DBT: variants seen among roughly 807,000 people sequenced by gnomAD.
DBT encodes the protein dihydrolipoamide branched chain transacylase E2.
DBT carries 40 observed loss-of-function variants against 51.3 expected under a neutral mutation model. The observed-to-expected ratio is 0.78, with a 90% CI of 0.61 to 1.02. The LOEUF (loss-of-function observed/expected upper bound fraction) is 1.02, where lower values mean the gene tolerates loss of function less well. DBT is among the 50% of genes least tolerant of loss of function. The pLI, the probability that DBT is intolerant of heterozygous loss-of-function variation, is 0.00. For synonymous variants in DBT, 181 were observed against 190.4 expected, an observed-to-expected ratio of 0.95 and a Z score of 0.41; for missense variants, 510 against 580.2, an observed-to-expected ratio of 0.88 and a Z score of 1.24.
At chr1:100,229,744 CCCTAGTATCAAAACTGATT>C (rs1457868309) in intron 4 of DBT, among the ~76,000 whole-genome samples, 1 of 152,092 alleles carries the variant, frequency 6.6e-6, no homozygotes, top group Non-Finnish European at 1.5e-5. Context: ...CTCTTGCAGC[CCCTAGTATCAAAACTGATT>C]CCTAGATGAC....
intron 4 of DBT, among the ~76,000 whole-genome samples, chr1:100,222,588 A>T (rs892785482): frequency 8.5e-5 from 13 of 152,214 alleles, no homozygotes; most frequent in African/African-American, 1.4e-4. Flanking sequence ...TCAATGGTCC[A>T]TGTGTCAAAA....
intron 8 of DBT, among the ~76,000 whole-genome samples, chr1:100,209,405 C>T (rs768892583): frequency 6.1e-4 from 93 of 151,904 alleles, no homozygotes; most frequent in Non-Finnish European, 1.1e-3. Flanking sequence ...CGGCCAACAT[C>T]ATTTTCTTGC....
intron 1 of DBT, among the ~76,000 whole-genome samples, chr1:100,245,356 G>A (rs1396538133): frequency 6.6e-6 from 1 of 152,074 alleles, no homozygotes; most frequent in Non-Finnish European, 1.5e-5. Context: ...AGCTAGACTA[G>A]TAAATTAAGC....
In DBT at chr1:100,206,310, TAA is replaced by T. The variant is rs398123658; in HGVS notation, c.1210-11_1210-10del. ...GCAAAGGTACCACCAATCTATTTTT[TAA>T]AAAAAAAAAAAGGAGAGTATTAAAA... On this transcript the variant is annotated splice_polypyrimidine_tract_variant and intron_variant, in intron 9 of 10. Coordinates refer to ENST00000370132, the MANE Select transcript of DBT (RefSeq NM_001918.5). The T allele has an allele frequency of 1.3e-4, 188 of 1,428,614 alleles. No homozygotes were observed. The highest frequency in any genetic ancestry group is 4.0e-4 in the African/African-American group (27 of 67,414). The allele number at this position is 1,428,614 out of a possible 1,614,324, so 88.5% of individuals were successfully genotyped here.
chr1:100,240,119 T>A (rs1355532715), intron 2 of DBT, among the ~76,000 whole-genome samples: 1 of 152,172 alleles, frequency 6.6e-6, no homozygotes, highest in Non-Finnish European at 1.5e-5. Context: ...GGGGAAAAAG[T>A]AAGTAAATGG....
intron 1 of DBT, chr1:100,249,433 A>G: frequency 2.2e-6 from 1 of 444,498 alleles, no homozygotes; most frequent in South Asian, 2.1e-5. Flanking sequence ...TACGCAATAA[A>G]TGCTAAACGA....
rs987027346 is a variant in DBT, at chr1:100,193,693, C to T, written c.*2562G>A. 5.9e-5 allele frequency: 9 copies of T among 152,138 alleles called. No individual in the cohort carries two copies. Among genetic ancestry groups the T allele is most frequent in the Non-Finnish European group, 1.3e-4 (9 of 68,036 alleles). 9.4% of individuals were successfully genotyped at this position (152,138 alleles called of 1,614,324 possible). On this transcript the variant is annotated 3_prime_UTR_variant, in exon 11 of 11. Coordinates refer to ENST00000370132, the MANE Select transcript of DBT (RefSeq NM_001918.5). ...AATCTTGGCTCACTGCAACCTCTGCCGCTGGGTTCAAGCAGTTCTCCTGCC... is the reference window on the plus strand; with the variant it reads ...AATCTTGGCTCACTGCAACCTCTGCTGCTGGGTTCAAGCAGTTCTCCTGCC...
In DBT at chr1:100,188,773, T is replaced by C. The variant is rs1660683896; in HGVS notation, c.*7482A>G. 6.6e-6 allele frequency: 1 copy of C among 152,258 alleles called. No individual in the cohort carries two copies. The highest frequency in any genetic ancestry group is 1.5e-5 in the Non-Finnish European group (1 of 68,078). 9.4% of individuals were successfully genotyped at this position (152,258 alleles called of 1,614,324 possible). On this transcript the variant is annotated 3_prime_UTR_variant, in exon 11 of 11. Coordinates refer to ENST00000370132, the MANE Select transcript of DBT (RefSeq NM_001918.5). ...AAGCCTGATATAGATGACCTCTCTA[T>C]AACAGAACTGCAATTATTCTTGTCA...
intron 4 of DBT, among the ~76,000 whole-genome samples, chr1:100,225,413 G>GA (rs1278701970): frequency 6.6e-6 from 1 of 151,510 alleles, no homozygotes. Context: ...TAATTTTTGT[G>GA]AAAAAAAATT....
At chr1:100,241,124 A>C (rs1207444076) in intron 1 of DBT, among the ~76,000 whole-genome samples, 1 of 152,206 alleles carries the variant, frequency 6.6e-6, no homozygotes, top group Non-Finnish European at 1.5e-5. Flanking sequence ...TGCTTAAGTC[A>C]TTGGACTTCC....
intron 10 of DBT, chr1:100,196,806 G>T: frequency 4.8e-6 from 1 of 206,618 alleles, no homozygotes; most frequent in South Asian, 8.3e-5. Flanking sequence ...TGAAGGCAGT[G>T]AGGAAACAAG....
chr1:100,218,872 T>A, intron 4 of DBT, 125 bp from the exon 5 acceptor site: 1 of 689,284 alleles, frequency 1.5e-6, no homozygotes. Flanking sequence ...AGTCTAAATG[T>A]ATAAAAGTTG....
intron 8 of DBT, 192 bp downstream of exon 8, chr1:100,210,502 A>C: frequency 1.4e-6 from 1 of 724,542 alleles, no homozygotes; most frequent in Non-Finnish European, 2.1e-6. Flanking sequence ...TAGTTTTAAG[A>C]ATCTCTAAAC....
intron 10 of DBT, among the ~76,000 whole-genome samples, chr1:100,201,536 T>C (rs1053846575): frequency 6.6e-6 from 1 of 151,946 alleles, no homozygotes; most frequent in Non-Finnish European, 1.5e-5. Flanking sequence ...AACATTCAAA[T>C]TCAGGAAATA....
intron 8 of DBT, among the ~76,000 whole-genome samples, chr1:100,208,806 GC>G (rs1478999874): frequency 6.6e-6 from 1 of 150,478 alleles, no homozygotes; most frequent in Non-Finnish European, 1.5e-5. Context: ...TACTCAGAAG[GC>G]TGCGGTGGGA....
chr1:100,206,680 C>T (rs1006155224), intron 8 of DBT, 44 bp from the exon 9 acceptor site: 7 of 1,131,404 alleles, frequency 6.2e-6, no homozygotes, highest in Non-Finnish European at 9.4e-6. Flanking sequence ...AATGAATAAG[C>T]TAACAGCAAA....
chr1:100,247,440 T>C (rs1344705355), intron 1 of DBT, among the ~76,000 whole-genome samples: 1 of 152,224 alleles, frequency 6.6e-6, no homozygotes, highest in Non-Finnish European at 1.5e-5. Flanking sequence ...GGCTTACGCC[T>C]GTAATCCCAG....
chr1:100,192,846 C>T lies in DBT; in HGVS notation c.*3409G>A, dbSNP rs1660873409. ...CCACTCGCAGCAATAATTTTGGCTT[C>T]TCCCCCATGTACATATACCTTCTAA... On this transcript the variant is annotated 3_prime_UTR_variant, in exon 11 of 11. Coordinates refer to ENST00000370132, the MANE Select transcript of DBT (RefSeq NM_001918.5). The T allele has an allele frequency of 6.6e-6, 1 of 152,206 alleles. No homozygotes were observed. The highest frequency in any genetic ancestry group is 6.5e-5 in the Admixed American group (1 of 15,282). The allele number at this position is 152,206 out of a possible 1,614,324, so 9.4% of individuals were successfully genotyped here. A position where few individuals can be genotyped will look rare whatever the true frequency, so the allele number is the denominator to read the frequency against.
At chr1:100,238,320 TCCCTC>T (rs141440499) in intron 2 of DBT, among the ~76,000 whole-genome samples, 1 of 111,080 alleles carries the variant, frequency 9.0e-6, no homozygotes, top group Non-Finnish European at 1.8e-5. Context: ...GTTTCTAGCT[TCCCTC>T]CCCTCCCCTC....
Sources: allele counts gnomAD v4.1 joint callset (sites outside exome capture counted in the v4.1 genomes callset), GRCh38; gene constraint gnomAD v4.1.1; transcripts MANE v1.5; gene names NCBI Gene and HGNC (gene_info 2026-07-23, HGNC 2026-07-21).